Variants in FAT3 observed in about 807,000 individuals in gnomAD.
FAT3 encodes FAT atypical cadherin 3.
Under a neutral mutation model 310.2 loss-of-function variants are expected in FAT3, and 95 were observed. The ratio of observed to expected loss-of-function variants is 0.31; its 90% CI spans 0.26 to 0.36. The LOEUF (loss-of-function observed/expected upper bound fraction) is 0.36. FAT3 is among the 10% of genes least tolerant of loss of function. FAT3 has a pLI of 1.00. For synonymous variants in FAT3, 2,314 were observed against 2,192.9 expected (o/e 1.06, Z -1.54); for missense variants, 5,408 against 5,715.6 (o/e 0.95, Z 1.74).
At chr11:92,229,832 A>C (rs558745965) in intron 1 of FAT3, among the ~76,000 whole-genome samples, 48 of 149,068 alleles carry the variant, frequency 3.2e-4, no homozygotes, top group African/African-American at 1.1e-3. Flanking sequence ...GGAAGGGATG[A>C]AAATTTGAGA....
chr11:92,649,872 TTC>T (rs1450798244), intron 3 of FAT3, among the ~76,000 whole-genome samples: 3,262 of 40,022 alleles, frequency 0.082, 218 homozygotes, highest in African/African-American at 0.2. Flanking sequence ...ACTTTGTATG[TTC>T]ATATATATAT....
intron 2 of FAT3, among the ~76,000 whole-genome samples, chr11:92,381,824 T>G (rs1224277914): frequency 6.6e-6 from 1 of 152,156 alleles, no homozygotes; most frequent in Non-Finnish European, 1.5e-5. Flanking sequence ...AAGGGAAATA[T>G]TTTTGAAATG....
intron 3 of FAT3, among the ~76,000 whole-genome samples, chr11:92,663,692 G>A (rs939356088): frequency 2.0e-5 from 3 of 151,962 alleles, no homozygotes; most frequent in African/African-American, 7.3e-5. Context: ...CATCACACTT[G>A]TCGTCATATC....
intron 2 of FAT3, among the ~76,000 whole-genome samples, chr11:92,504,164 T>C (rs576386824): frequency 6.6e-6 from 1 of 152,236 alleles, no homozygotes; most frequent in Admixed American, 6.5e-5. Flanking sequence ...CAAAAACAAG[T>C]TGTGCCATGG....
rs1419274820 is a variant in FAT3 at position 92,890,974 on chromosome 11, C to T, written c.13631C>T (p.Thr4544Ile). 1.2e-6 allele frequency: 2 copies of T among 1,613,838 alleles called. No individual in the cohort carries two copies. The highest frequency in any genetic ancestry group is 2.2e-5 in the East Asian group (1 of 44,884). The change falls in exon 28 of 28, where the codon ACC (threonine) becomes ATC (isoleucine). Residue 4544 changes from threonine to isoleucine, a missense_variant. Thr to Ile is a moderately conservative substitution (Grantham distance 89). This residue lies in a region of FAT3 where 649 missense variants were observed against 666.2 expected (regional missense o/e 0.97). Coordinates refer to ENST00000525166, the MANE Select transcript of FAT3 (RefSeq NM_001367949.2). ...CTGTCCTTGCACAATTCCAGAGGCACCTCATCCTCGGATGTGTCTGCCAAC... is the reference window on the plus strand; with the variant it reads ...CTGTCCTTGCACAATTCCAGAGGCATCTCATCCTCGGATGTGTCTGCCAAC... ...VSLSLHNSRG[T>I]SSSDVSANCG...
intron 3 of FAT3, among the ~76,000 whole-genome samples, chr11:92,590,882 G>A (rs1939389410): frequency 6.6e-6 from 1 of 152,100 alleles, no homozygotes. Flanking sequence ...CAGATGAGCT[G>A]AGATTTTAAC....
At chr11:92,774,314 T>G (rs1444460540) in intron 7 of FAT3, 134 bp downstream of exon 7, 2 of 1,030,174 alleles carry the variant, frequency 1.9e-6, no homozygotes. Flanking sequence ...AAAATCATTT[T>G]CAAGAACAAG....
At chr11:92,736,536 T>C (rs759109452) in intron 4 of FAT3, among the ~76,000 whole-genome samples, 1 of 152,164 alleles carries the variant, frequency 6.6e-6, no homozygotes, top group Non-Finnish European at 1.5e-5. Flanking sequence ...CAATTGACCC[T>C]TGAGGTGTCT....
chr11:92,373,949 T>C (rs1028380327), intron 2 of FAT3, among the ~76,000 whole-genome samples: 5 of 151,140 alleles, frequency 3.3e-5, no homozygotes, highest in Admixed American at 6.6e-5. Context: ...ATGGGTCAAT[T>C]CAAGTTCAAA....
At chr11:92,685,641 A>G (rs1036236696) in intron 3 of FAT3, among the ~76,000 whole-genome samples, 1 of 151,002 alleles carries the variant, frequency 6.6e-6, no homozygotes, top group African/African-American at 2.4e-5. Context: ...TAGTCAATAG[A>G]CCAATATTTA....
intron 2 of FAT3, among the ~76,000 whole-genome samples, chr11:92,371,247 G>C (rs1335087777): frequency 6.6e-6 from 1 of 152,166 alleles, no homozygotes; most frequent in Non-Finnish European, 1.5e-5. Context: ...TATGTACTCT[G>C]ATTATCCACA....
At chr11:92,665,641 T>C (rs956614378) in intron 3 of FAT3, among the ~76,000 whole-genome samples, 2 of 152,192 alleles carry the variant, frequency 1.3e-5, no homozygotes, top group Non-Finnish European at 2.9e-5. Flanking sequence ...ACATGTGAAC[T>C]CTTCTTTTTC....
intron 2 of FAT3, among the ~76,000 whole-genome samples, chr11:92,393,464 A>G (rs910132549): frequency 6.6e-6 from 1 of 152,104 alleles, no homozygotes; most frequent in African/African-American, 2.4e-5. Flanking sequence ...CCGCCAAACC[A>G]TCTGAACCAT....
intron 7 of FAT3, among the ~76,000 whole-genome samples, chr11:92,778,510 G>A (rs2136126401): frequency 6.6e-6 from 1 of 152,248 alleles, no homozygotes; most frequent in East Asian, 1.9e-4. Flanking sequence ...TGCAAATCAG[G>A]ACCTAATTGT....
intron 3 of FAT3, among the ~76,000 whole-genome samples, chr11:92,685,648 T>G (rs890571284): frequency 7.9e-5 from 12 of 151,200 alleles, no homozygotes; most frequent in African/African-American, 2.7e-4. Flanking sequence ...TAGACCAATA[T>G]TTATTGATGC....
intron 1 of FAT3, among the ~76,000 whole-genome samples, chr11:92,351,329 A>T (rs1948560015): frequency 6.6e-6 from 1 of 152,200 alleles, no homozygotes; most frequent in Admixed American, 6.5e-5. Flanking sequence ...ACCTTGAAGC[A>T]TTTTAAAAAG....
chr11:92,255,096 C>A (rs2134287868), intron 1 of FAT3, among the ~76,000 whole-genome samples: 2 of 152,094 alleles, frequency 1.3e-5, no homozygotes, highest in East Asian at 3.9e-4. Flanking sequence ...AATATAATAG[C>A]TACTTTGCCT....
intron 1 of FAT3, among the ~76,000 whole-genome samples, chr11:92,351,148 A>G (rs1285494095): frequency 6.6e-6 from 1 of 152,116 alleles, no homozygotes; most frequent in African/African-American, 2.4e-5. Flanking sequence ...TCTTGCAAGT[A>G]ATCACTCTTA....
chr11:92,569,821 G>C (rs1955606134), intron 3 of FAT3, among the ~76,000 whole-genome samples: 1 of 152,148 alleles, frequency 6.6e-6, no homozygotes, highest in Admixed American at 6.5e-5. Flanking sequence ...TATGCAGTGG[G>C]AATTGCAAGC....
Sources: allele counts gnomAD v4.1 joint callset (sites outside exome capture counted in the v4.1 genomes callset), GRCh38; gene constraint gnomAD v4.1.1; regional missense constraint gnomAD v4.1.1; transcripts MANE v1.5; gene names NCBI Gene and HGNC (gene_info 2026-07-23, HGNC 2026-07-21).